The following TRIM24 variants were observed in gnomAD, a reference collection of about 807,000 sequenced individuals.
TRIM24 encodes tripartite motif containing 24.
Under a neutral mutation model 123.9 loss-of-function variants are expected in TRIM24, and 29 were observed. The ratio of observed to expected loss-of-function variants is 0.23; its 90% confidence interval spans 0.17 to 0.32. The LOEUF (loss-of-function observed/expected upper bound fraction) is 0.32, where lower values mean the gene tolerates loss of function less well. TRIM24 is among the 10% of genes least tolerant of loss of function. TRIM24 has a pLI of 1.00. For synonymous variants in TRIM24, 456 were observed against 461.1 expected (o/e 0.99, Z 0.14); for missense variants, 932 against 1,295.3 (o/e 0.72, Z 4.31).
At chr7:138,529,316 A>G (rs903147593) in intron 6 of TRIM24, 86 bp downstream of exon 6, 11 of 685,128 alleles carry the variant, frequency 1.6e-5, no homozygotes, top group African/African-American at 3.7e-5. Context: ...TGCTTTTTAT[A>G]TAGTTGTTTC....
intron 1 of TRIM24, among the ~76,000 whole-genome samples, chr7:138,468,245 A>T (rs749658877): frequency 6.6e-6 from 1 of 152,162 alleles, no homozygotes; most frequent in Non-Finnish European, 1.5e-5. Context: ...TCCTGTGTCT[A>T]TTGAAATGGT....
chr7:138,568,400 T>G (rs985200381), intron 10 of TRIM24, among the ~76,000 whole-genome samples: 2 of 142,702 alleles, frequency 1.4e-5, no homozygotes, highest in African/African-American at 2.6e-5. Context: ...TTTTTTTTTT[T>G]TTTTTTTTTA....
intron 11 of TRIM24, among the ~76,000 whole-genome samples, chr7:138,573,262 T>C (rs1220719801): frequency 6.6e-6 from 1 of 152,224 alleles, no homozygotes; most frequent in East Asian, 1.9e-4. Context: ...TGACATGATA[T>C]TCCTTTTGAC....
At chr7:138,575,734 T>C (rs548567153) in intron 12 of TRIM24, among the ~76,000 whole-genome samples, 6 of 152,266 alleles carry the variant, frequency 3.9e-5, no homozygotes, top group East Asian at 1.9e-4. Context: ...TCTTGGCTGC[T>C]TTTAATTAGA....
intron 1 of TRIM24, among the ~76,000 whole-genome samples, chr7:138,497,647 G>A (rs1438179174): frequency 4.0e-5 from 6 of 151,624 alleles, no homozygotes; most frequent in African/African-American, 1.2e-4. Flanking sequence ...CGTCCGCCTC[G>A]GTCTCTCAAA....
chr7:138,462,812 C>T (rs1403962047), intron 1 of TRIM24, among the ~76,000 whole-genome samples: 1 of 152,064 alleles, frequency 6.6e-6, no homozygotes, highest in East Asian at 1.9e-4. Flanking sequence ...TCTGAAGAGG[C>T]CCACGACTGG....
chr7:138,509,140 G>A (rs1019835785), intron 2 of TRIM24, among the ~76,000 whole-genome samples: 2 of 151,514 alleles, frequency 1.3e-5, no homozygotes, highest in African/African-American at 2.4e-5. Context: ...AGCAGAGCGG[G>A]GTTTCTCCAT....
At chr7:138,509,814 C>CT (rs1796248882) in intron 2 of TRIM24, among the ~76,000 whole-genome samples, 1 of 150,860 alleles carries the variant, frequency 6.6e-6, no homozygotes, top group Non-Finnish European at 1.5e-5. Context: ...GAGGTAGCAA[C>CT]TTTGAGAAGC....
chr7:138,579,922 C>T (rs1797856551), intron 15 of TRIM24, among the ~76,000 whole-genome samples: 1 of 151,942 alleles, frequency 6.6e-6, no homozygotes, highest in Non-Finnish European at 1.5e-5. Flanking sequence ...GACCCTCTCC[C>T]TAGTCATTAC....
Position 138,577,428 on chromosome 7 carries a change from C to T in TRIM24, c.2096C>T (p.Ser699Phe). The T allele has an allele frequency of 6.4e-7, 1 of 1,571,398 alleles. No individual in the cohort carries two copies. Among genetic ancestry groups the T allele is most frequent in the Admixed American group, 1.9e-5 (1 of 52,204 alleles). The change falls in exon 14 of 19, where the codon TCT (serine) becomes TTT (phenylalanine). Residue 699 changes from serine (S) to phenylalanine (F), a missense_variant. Ser to Phe is a radical substitution (Grantham distance 155). Transcript: ENST00000343526. The part of the protein sequence containing the change: ...SSVGSRGSSG[S>F]SSKPAGADST... ...CTCTCTCATACTTACAGCTCTGGCT[C>T]TTCCAGCAAACCAGCAGGAGCTGAC... is the stretch of plus-strand genomic sequence containing the variant.
At chr7:138,486,177 G>T (rs1462147584) in intron 1 of TRIM24, among the ~76,000 whole-genome samples, 1 of 152,144 alleles carries the variant, frequency 6.6e-6, no homozygotes, top group African/African-American at 2.4e-5. Flanking sequence ...CCCACTTTTT[G>T]ATGGGGTTGT....
intron 2 of TRIM24, among the ~76,000 whole-genome samples, chr7:138,512,248 TA>T (rs372020534): frequency 1.9e-3 from 284 of 152,146 alleles, no homozygotes; most frequent in African/African-American, 6.6e-3. Flanking sequence ...TGACATTGAG[TA>T]TCTGTGACTT....
At chr7:138,535,218 T>A (rs1046383809) in intron 6 of TRIM24, among the ~76,000 whole-genome samples, 1 of 152,224 alleles carries the variant, frequency 6.6e-6, no homozygotes, top group African/African-American at 2.4e-5. Flanking sequence ...CATTTACATT[T>A]AAGGTTAATA....
At chr7:138,536,718 G>GAT (rs1376285973) in intron 6 of TRIM24, among the ~76,000 whole-genome samples, 2 of 152,218 alleles carry the variant, frequency 1.3e-5, no homozygotes, top group Non-Finnish European at 2.9e-5. Context: ...TCCGTGCTAG[G>GAT]AGAACCACTA....
rs74842795 is a variant in TRIM24, at chr7:138,473,327, A to T, written c.364+12415A>T. Among the ~76,000 whole-genome samples, 16 of 152,350 alleles carry T rather than the reference A, an allele frequency of 1.1e-4. No individual in the cohort carries two copies. The East Asian group carries it at 2.7e-3, about 26-fold the overall frequency. ...CTTAAGTTAAACTTCATTTCAAATT[A>T]ATGTGTGGTTTCTCTCTACTTACTG... On this transcript the variant is annotated intron_variant, in intron 1 of 18. Coordinates refer to ENST00000343526, the MANE Select transcript of TRIM24 (RefSeq NM_015905.3).
rs1798076345 is a variant in TRIM24 at position 138,589,889 on chromosome 7, T to A, written c.*4938T>A. On this transcript the variant is annotated 3_prime_UTR_variant, in exon 19 of 19. Coordinates refer to ENST00000343526, the MANE Select transcript of TRIM24 (RefSeq NM_015905.3). ...TAACAGATCTTTCATGGGGCCAACC[T>A]ATTTGCTTCCTTAATTTTCAAATTA... 6.6e-6 allele frequency: 1 copy of A among 152,236 alleles called. No individual in the cohort carries two copies. The highest frequency in any genetic ancestry group is 6.5e-5 in the Admixed American group (1 of 15,288). The allele number at this position is 152,236 out of a possible 1,614,324, so 9.4% of individuals were successfully genotyped here. A position where few individuals can be genotyped will look rare whatever the true frequency, so the allele number is the denominator to read the frequency against.
chr7:138,480,727 G>T (rs760655051), intron 1 of TRIM24, among the ~76,000 whole-genome samples: 13 of 152,092 alleles, frequency 8.5e-5, no homozygotes, highest in Non-Finnish European at 4.4e-5. Flanking sequence ...ATACCCACTA[G>T]CAGTTCATGT....
intron 1 of TRIM24, among the ~76,000 whole-genome samples, chr7:138,487,655 A>G (rs1440661542): frequency 6.6e-6 from 1 of 152,060 alleles, no homozygotes; most frequent in Non-Finnish European, 1.5e-5. Flanking sequence ...GTTTCTCAAT[A>G]TGCATATGTT....
intron 7 of TRIM24, among the ~76,000 whole-genome samples, chr7:138,547,076 T>C (rs890775828): frequency 6.6e-6 from 1 of 152,224 alleles, no homozygotes; most frequent in African/African-American, 2.4e-5. Flanking sequence ...GTGGTACATA[T>C]ACCCAATGGA....
Sources: gnomAD v4.1 joint callset for allele counts (sites outside exome capture counted in the v4.1 genomes callset) on GRCh38, gnomAD v4.1.1 for gene constraint, MANE v1.5 for transcripts, NCBI Gene and HGNC (gene_info 2026-07-23, HGNC 2026-07-21) for gene names.